CTNND2: variants seen among roughly 807,000 people sequenced by gnomAD.
CTNND2 encodes catenin delta-2.
In CTNND2, 22 loss-of-function variants were observed where a neutral mutation model predicts 144.4. The ratio of observed to expected loss-of-function variants is 0.15; its 90% CI spans 0.11 to 0.22. The LOEUF (loss-of-function observed/expected upper bound fraction) is 0.22. CTNND2 is among the 10% of genes least tolerant of loss of function. CTNND2 has a pLI of 1.00. For missense variants in CTNND2, 1,353 were observed against 1,618.8 expected, an observed-to-expected ratio of 0.84 and a Z score of 2.82; for synonymous variants, 751 against 695.6, an observed-to-expected ratio of 1.08 and a Z score of -1.25.
intron 3 of CTNND2, among the ~76,000 whole-genome samples, chr5:11,536,406 C>T (rs186894405): frequency 7.2e-5 from 11 of 151,968 alleles, no homozygotes; most frequent in African/African-American, 2.2e-4. Flanking sequence ...AGTTATTGTA[C>T]GAAAAAGATA....
In CTNND2 at chr5:11,904,042, G is replaced by A; in HGVS notation, c.-189C>T. The stretch of plus-strand genomic sequence containing the variant: ...CCGCGGGCGAGAGGCGGCTCCCGAC[G>A]CGAGTGCGCAGCGCCCGGCCCGGCG... On this transcript the variant is annotated 5_prime_UTR_variant, in exon 1 of 22. Transcript: ENST00000304623. The surrounding 1 kb of genome is among the most constrained non-coding windows in gnomAD (Gnocchi z 4.2). 6.7e-6 allele frequency: 3 copies of A among 446,170 alleles called. No individual in the cohort carries two copies. The highest frequency in any genetic ancestry group is 6.7e-6 in the Non-Finnish European group (2 of 298,692). 27.6% of individuals were successfully genotyped at this position (446,170 alleles called of 1,614,324 possible).
At chr5:11,267,141 A>G (rs182920845) in intron 9 of CTNND2, among the ~76,000 whole-genome samples, 57 of 152,180 alleles carry the variant, frequency 3.7e-4, no homozygotes, top group Non-Finnish European at 6.5e-4. Flanking sequence ...GGCCTCCCAA[A>G]GTGCTGGAAT....
Position 11,786,410 on chromosome 5 carries a change from G to A in CTNND2, c.38-54138C>T, listed in dbSNP as rs533367085. On this transcript the variant is annotated intron_variant, in intron 1 of 21. Transcript: ENST00000304623. ...TCTCTGTCTGATAAATCATTGAGGT[G>A]GTTATAAATAAAGCATTACACCTTA... 1.1e-3 allele frequency among the ~76,000 whole-genome samples: 171 copies of A among 152,234 alleles called. 1 individual carries two copies. The highest frequency in any genetic ancestry group is 3.9e-3 in the African/African-American group (163 of 41,546).
intron 9 of CTNND2, among the ~76,000 whole-genome samples, chr5:11,254,186 T>C (rs1230899467): frequency 1.3e-5 from 2 of 152,184 alleles, no homozygotes; most frequent in African/African-American, 4.8e-5. Flanking sequence ...CAATAAACAT[T>C]AGTAGTCAAT....
Position 11,268,776 on chromosome 5 carries a change from C to CAA in CTNND2, c.1629-31954_1629-31953insTT, listed in dbSNP as rs553187146. ...CATTTAGAGCTCATGTGCCTGCAGA[C>CAA]AGTTACTTAAATTTGTACTTATGTC... On this transcript the variant is annotated intron_variant, in intron 9 of 21. Coordinates refer to ENST00000304623, the MANE Select transcript of CTNND2 (RefSeq NM_001332.4). Among the ~76,000 whole-genome samples the CAA allele has an allele frequency of 9.9e-4, 150 of 152,254 alleles. 2 individuals are homozygous for CAA. Among genetic ancestry groups the CAA allele is most frequent in the African/African-American group, 3.6e-3 (148 of 41,532 alleles).
At chr5:11,394,148 C>A (rs1759870920) in intron 6 of CTNND2, among the ~76,000 whole-genome samples, 2 of 152,214 alleles carry the variant, frequency 1.3e-5, no homozygotes, top group Admixed American at 6.5e-5. Context: ...TTACCCTGGT[C>A]TGTATCCATT....
At chr5:11,058,674 C>T (rs1477538748) in intron 16 of CTNND2, among the ~76,000 whole-genome samples, 5 of 152,216 alleles carry the variant, frequency 3.3e-5, no homozygotes, top group African/African-American at 1.2e-4. Flanking sequence ...ATCCTCCAGA[C>T]ACCAGAATGG....
At chr5:11,489,993 C>T (rs988314874) in intron 3 of CTNND2, among the ~76,000 whole-genome samples, 1 of 152,180 alleles carries the variant, frequency 6.6e-6, no homozygotes, top group Non-Finnish European at 1.5e-5. Context: ...CAGTACCACT[C>T]CTGGCCCACA....
chr5:11,031,225 A>G (rs374835670), intron 16 of CTNND2, among the ~76,000 whole-genome samples: 2 of 152,206 alleles, frequency 1.3e-5, no homozygotes, highest in East Asian at 3.9e-4. Flanking sequence ...GGTATGTGCA[A>G]CAATGGCTGC....
chr5:11,159,667 G>T lies in CTNND2; in HGVS notation c.2068C>A (p.His690Asn), dbSNP rs140646504. The T allele has an allele frequency of 2.3e-5, 37 of 1,613,478 alleles. No homozygotes were observed. Among genetic ancestry groups the T allele is most frequent in the Middle Eastern group, 1.6e-4 (1 of 6,076 alleles). Residue 690 changes from histidine to asparagine, a missense_variant, in exon 12 of 22, where the codon CAC (histidine) becomes AAC (asparagine). Physicochemically the swap from His to Asn is moderately conservative, Grantham distance 68 (BLOSUM62 1). Around this residue, in one of 4 missense-constraint regions of CTNND2, gnomAD observed 117 missense variants for 117.8 expected, o/e 0.99. Coordinates refer to ENST00000304623, the MANE Select transcript of CTNND2 (RefSeq NM_001332.4). ...AGAGGCGAATTTTCCCAGCCTGAGTGGGGGATAATCACCGCGTTGGTCAGT... is the reference window on the plus strand; with the variant it reads ...AGAGGCGAATTTTCCCAGCCTGAGTTGGGGATAATCACCGCGTTGGTCAGT... ...AVLTNAVIIPHSGWENSPLQD... is the reference protein window; with the variant it reads ...AVLTNAVIIPNSGWENSPLQD...
At chr5:11,564,716 G>T (rs750176331) in intron 3 of CTNND2, among the ~76,000 whole-genome samples, 28 of 152,090 alleles carry the variant, frequency 1.8e-4, no homozygotes, top group Non-Finnish European at 3.4e-4. Context: ...GTAAAATTAC[G>T]TATAATTTGC....
intron 2 of CTNND2, among the ~76,000 whole-genome samples, chr5:11,687,835 T>C (rs1784726323): frequency 6.6e-6 from 1 of 152,064 alleles, no homozygotes; most frequent in African/African-American, 2.4e-5. Flanking sequence ...TTCAGTAGGA[T>C]GGGCAGAAAA....
Position 11,067,406 on chromosome 5 carries a change from A to G in CTNND2, c.2788+15290T>C, listed in dbSNP as rs77929370. ...TTGCTCACTGAAATGCTGAAGAAATACTTTCCTTACTCAACCCACACCTAA... is the reference window on the plus strand; with the variant it reads ...TTGCTCACTGAAATGCTGAAGAAATGCTTTCCTTACTCAACCCACACCTAA... On this transcript the variant is annotated intron_variant, in intron 16 of 21. Coordinates refer to ENST00000304623, the MANE Select transcript of CTNND2 (RefSeq NM_001332.4). 2.3e-3 allele frequency among the ~76,000 whole-genome samples: 345 copies of G among 152,324 alleles called. 3 individuals carry two copies. Among genetic ancestry groups the G allele is most frequent in the African/African-American group, 8.0e-3 (334 of 41,578 alleles).
intron 9 of CTNND2, among the ~76,000 whole-genome samples, chr5:11,258,692 A>G (rs1580730076): frequency 2.6e-5 from 4 of 152,158 alleles, no homozygotes; most frequent in African/African-American, 9.7e-5. Flanking sequence ...TCTGAAGTGG[A>G]AGAAAGTGAG....
chr5:11,813,242 T>C (rs1792435921), intron 1 of CTNND2, among the ~76,000 whole-genome samples: 1 of 152,214 alleles, frequency 6.6e-6, no homozygotes, highest in African/African-American at 2.4e-5. Context: ...ATACAGGCTG[T>C]ACCAACTACT....
chr5:11,696,249 G>A (rs769855802), intron 2 of CTNND2, among the ~76,000 whole-genome samples: 6 of 152,154 alleles, frequency 3.9e-5, no homozygotes, highest in Admixed American at 1.3e-4. Flanking sequence ...ATTAGTAGGC[G>A]CTGGTTGAAT....
chr5:11,094,697 C>T (rs1386178545), intron 15 of CTNND2, among the ~76,000 whole-genome samples: 1 of 152,088 alleles, frequency 6.6e-6, no homozygotes, highest in Non-Finnish European at 1.5e-5. Context: ...ATCTCTTGAC[C>T]TCATGATCCA....
intron 2 of CTNND2, among the ~76,000 whole-genome samples, chr5:11,623,832 A>ATATC (rs1205614924): frequency 8.1e-6 from 1 of 123,484 alleles, no homozygotes; most frequent in Non-Finnish European, 1.7e-5. Context: ...ATATATATAT[A>ATATC]TATATATATA....
chr5:10,984,999 G>A (rs923073651), intron 20 of CTNND2, among the ~76,000 whole-genome samples: 4 of 152,180 alleles, frequency 2.6e-5, no homozygotes, highest in East Asian at 3.9e-4. Flanking sequence ...GCTTGAACCC[G>A]GGAGGTGGAG....
Sources: allele counts gnomAD v4.1 joint callset (sites outside exome capture counted in the v4.1 genomes callset), GRCh38; gene constraint gnomAD v4.1.1; regional missense constraint gnomAD v4.1.1; non-coding constraint Gnocchi (gnomAD v3.1); transcripts MANE v1.5; gene names NCBI Gene and HGNC (gene_info 2026-07-23, HGNC 2026-07-21).